The following SLC24A4 variants were observed in gnomAD, a reference collection of about 807,000 sequenced individuals.
SLC24A4 encodes the protein solute carrier family 24 member 4, also known as sodium/potassium/calcium exchanger 4.
In SLC24A4, 53 loss-of-function variants were observed where a neutral mutation model predicts 79.0. The observed-to-expected ratio is 0.67, with a 90% CI of 0.54 to 0.84. The LOEUF is 0.84. SLC24A4 is among the 40% of genes least tolerant of loss of function. The probability of loss-of-function intolerance (pLI) is 0.00; values close to 1 mark genes in which losing one functional copy is unlikely to be tolerated. For synonymous variants in SLC24A4, 323 were observed against 323.8 expected (o/e 1.00, Z 0.03); for missense variants, 731 against 822.0 (o/e 0.89, Z 1.35).
intron 2 of SLC24A4, among the ~76,000 whole-genome samples, chr14:92,378,378 C>G (rs1015274338): frequency 6.6e-6 from 1 of 152,186 alleles, no homozygotes; most frequent in African/African-American, 2.4e-5. Flanking sequence ...CAAAGTGGAC[C>G]ACTTTACACT....
At chr14:92,428,425 AG>A (rs1413464887) in intron 2 of SLC24A4, among the ~76,000 whole-genome samples, 1 of 152,126 alleles carries the variant, frequency 6.6e-6, no homozygotes, top group East Asian at 1.9e-4. Flanking sequence ...AGGGTCCCTG[AG>A]GGGGAGGTTC....
At chr14:92,470,610 C>G (rs1894389595) in intron 12 of SLC24A4, among the ~76,000 whole-genome samples, 1 of 151,924 alleles carries the variant, frequency 6.6e-6, no homozygotes, top group Non-Finnish European at 1.5e-5. Context: ...GACGGCAGCC[C>G]TCCGTTCTCT....
At chr14:92,373,190 A>G (rs4904883) in intron 2 of SLC24A4, among the ~76,000 whole-genome samples, 23 of 57,262 alleles carry the variant, frequency 4.0e-4, no homozygotes, top group African/African-American at 1.2e-3. Context: ...ACACACACAC[A>G]CACGCACACA....
intron 14 of SLC24A4, among the ~76,000 whole-genome samples, chr14:92,487,372 C>G (rs1440647572): frequency 1.3e-5 from 2 of 152,208 alleles, no homozygotes; most frequent in Admixed American, 6.5e-5. Context: ...ATCCACAGAT[C>G]TTCCTCACAG....
chr14:92,340,091 C>T lies in SLC24A4; in HGVS notation c.241+14113C>T, dbSNP rs566712081. Among the ~76,000 whole-genome samples, 65 of 152,336 alleles carry T rather than the reference C, an allele frequency of 4.3e-4. 1 individual carries two copies. The South Asian group carries it at 0.012, about 29-fold the overall frequency. ...GGGAGCATGAAAAGCACTTTTCCTT[C>T]CTTTCATTTAGACCCCTCTACAGGA... On this transcript the variant is annotated intron_variant, in intron 2 of 16. Transcript: ENST00000532405.
Position 92,496,261 on chromosome 14 carries a change from C to G in SLC24A4, c.*2633C>G, listed in dbSNP as rs1053213402. The G allele has an allele frequency of 2.6e-5, 4 of 152,622 alleles. No individual in the cohort carries two copies. The highest frequency in any genetic ancestry group is 9.7e-5 in the African/African-American group (4 of 41,442). The allele number at this position is 152,622 out of a possible 1,614,324, so 9.5% of individuals were successfully genotyped here. A position where few individuals can be genotyped will look rare whatever the true frequency, so the allele number is the denominator to read the frequency against. On this transcript the variant is annotated 3_prime_UTR_variant, in exon 17 of 17. Transcript: ENST00000532405. ...TTAAATCTGGAAAACTATATGTACACTGTAGGTGGAAAATTCTCTTTTTTA... is the reference window on the plus strand; with the variant it reads ...TTAAATCTGGAAAACTATATGTACAGTGTAGGTGGAAAATTCTCTTTTTTA...
chr14:92,482,083 C>T (rs1895096403), intron 12 of SLC24A4, among the ~76,000 whole-genome samples: 1 of 152,202 alleles, frequency 6.6e-6, no homozygotes, highest in Non-Finnish European at 1.5e-5. Context: ...TCCAAAGCAC[C>T]TGCTGTGTGC....
chr14:92,492,329 C>T, intron 16 of SLC24A4, 89 bp downstream of exon 16: 1 of 1,232,116 alleles, frequency 8.1e-7, no homozygotes, highest in Non-Finnish European at 1.2e-6. Context: ...CTGTACACCC[C>T]TGTCACTTCC....
At position 92,365,217 on chromosome 14, in the gene SLC24A4, G is replaced by A. The variant is rs549203952; in HGVS notation, c.241+39239G>A. 7.9e-5 allele frequency among the ~76,000 whole-genome samples: 12 copies of A among 152,368 alleles called. No individual in the cohort carries two copies. The South Asian group carries it at 2.5e-3, about 32-fold the overall frequency. On this transcript the variant is annotated intron_variant, in intron 2 of 16. Transcript: ENST00000532405. ...TGCCGTCGTTGGCTTATATTGCCTGGCACACACTGGCATTCACTGGGGAAG... is the reference window on the plus strand; with the variant it reads ...TGCCGTCGTTGGCTTATATTGCCTGACACACACTGGCATTCACTGGGGAAG...
At chr14:92,443,257 A>G in intron 6 of SLC24A4, 143 bp from the exon 7 acceptor site, 1 of 745,738 alleles carries the variant, frequency 1.3e-6, no homozygotes, top group East Asian at 2.7e-5. Context: ...TCCCCAAATT[A>G]TAACAAAGAA....
chr14:92,346,007 G>A (rs947753201), intron 2 of SLC24A4, among the ~76,000 whole-genome samples: 7 of 152,120 alleles, frequency 4.6e-5, no homozygotes, highest in African/African-American at 1.7e-4. Context: ...TGTTTGGGGA[G>A]GTCTCTGAGT....
chr14:92,493,386 G>T, intron 16 of SLC24A4, 90 bp from the exon 17 acceptor site: 1 of 1,483,988 alleles, frequency 6.7e-7, no homozygotes, highest in South Asian at 1.3e-5. Flanking sequence ...GAATGTTCTA[G>T]GTTTCCCCAC....
intron 2 of SLC24A4, among the ~76,000 whole-genome samples, chr14:92,358,694 T>A: frequency 7.2e-6 from 1 of 139,118 alleles, no homozygotes; most frequent in Non-Finnish European, 1.5e-5. Context: ...CCACATCTAC[T>A]CTTTTTTTTT....
intron 2 of SLC24A4, among the ~76,000 whole-genome samples, chr14:92,417,007 A>T (rs1364941413): frequency 6.6e-6 from 1 of 152,244 alleles, no homozygotes; most frequent in Non-Finnish European, 1.5e-5. Flanking sequence ...CATATTAAGC[A>T]CTTATATGTA....
Position 92,493,711 on chromosome 14 carries a change from T to G in SLC24A4, c.*83T>G. 1 of 1,485,876 alleles carries G rather than the reference T, an allele frequency of 6.7e-7. No individual in the cohort carries two copies. The highest frequency in any genetic ancestry group is 9.2e-7 in the Non-Finnish European group (1 of 1,091,348). The allele number at this position is 1,485,876 out of a possible 1,614,324, so 92.0% of individuals were successfully genotyped here. On this transcript the variant is annotated 3_prime_UTR_variant, in exon 17 of 17. Coordinates refer to ENST00000532405, the MANE Select transcript of SLC24A4 (RefSeq NM_153646.4). Reference sequence around the variant, plus strand: ...TCTCCCCTCCTTCCCCCACCACAGGTCTCTCCTGCATAGGCAGCCACTGTC... The same window carrying G: ...TCTCCCCTCCTTCCCCCACCACAGGGCTCTCCTGCATAGGCAGCCACTGTC...
At chr14:92,337,658 C>T (rs1885890517) in intron 2 of SLC24A4, among the ~76,000 whole-genome samples, 1 of 152,164 alleles carries the variant, frequency 6.6e-6, no homozygotes, top group Admixed American at 6.5e-5. Flanking sequence ...AGGAAAGGGG[C>T]AGGGTGTGTT....
In SLC24A4 at chr14:92,400,178, C is replaced by T. The variant is rs191812123; in HGVS notation, c.242-33734C>T. Among the ~76,000 whole-genome samples, 439 of 152,252 alleles carry T rather than the reference C, an allele frequency of 2.9e-3. 2 individuals carry two copies. The highest frequency in any genetic ancestry group is 6.8e-3 in the Middle Eastern group (2 of 294). On this transcript the variant is annotated intron_variant, in intron 2 of 16. Transcript: ENST00000532405. Reference sequence around the variant, plus strand: ...GTTGGAGGCCGAGCGTGGTGGCTCACGCCTGTAATCCCAGCACTTTGGGAG... The same window carrying T: ...GTTGGAGGCCGAGCGTGGTGGCTCATGCCTGTAATCCCAGCACTTTGGGAG...
At chr14:92,448,380 A>ACACACAC (rs60919801) in intron 9 of SLC24A4, among the ~76,000 whole-genome samples, 8 of 150,208 alleles carry the variant, frequency 5.3e-5, no homozygotes, top group South Asian at 2.1e-4. Context: ...ACACACACAC[A>ACACACAC]AATCCCTACT....
intron 11 of SLC24A4, 137 bp downstream of exon 11, chr14:92,454,206 A>G (rs1893326448): frequency 3.6e-6 from 3 of 838,788 alleles, no homozygotes; most frequent in South Asian, 3.7e-5. Context: ...AAGCCTGCCC[A>G]TCAGCCACAG....
Sources: gnomAD v4.1 joint callset for allele counts (sites outside exome capture counted in the v4.1 genomes callset) on GRCh38, gnomAD v4.1.1 for gene constraint, MANE v1.5 for transcripts, NCBI Gene and HGNC (gene_info 2026-07-23, HGNC 2026-07-21) for gene names.